ARHGAP20: variants seen among roughly 807,000 people sequenced by gnomAD.
ARHGAP20 encodes Rho GTPase activating protein 20.
A neutral mutation model predicts 73.7 loss-of-function variants in ARHGAP20; 34 were observed. That is an observed-to-expected ratio of 0.46 (90% CI 0.35 to 0.61). The LOEUF (loss-of-function observed/expected upper bound fraction) is 0.61. Ranked by LOEUF, ARHGAP20 falls within the 20% of genes least tolerant of loss-of-function variation. The probability of loss-of-function intolerance (pLI) is 0.00; values close to 1 mark genes in which losing one functional copy is unlikely to be tolerated. For synonymous variants in ARHGAP20, 523 were observed against 518.2 expected (o/e 1.01, Z -0.13); for missense variants, 1,314 against 1,420.9 (o/e 0.92, Z 1.21).
At chr11:110,661,412 A>G (rs1345602962) in intron 2 of ARHGAP20, among the ~76,000 whole-genome samples, 1 of 152,158 alleles carries the variant, frequency 6.6e-6, no homozygotes, top group East Asian at 1.9e-4. Flanking sequence ...AAGTTCAGTG[A>G]TAGTTTACTT....
At chr11:110,652,645 A>C (rs780513678) in intron 2 of ARHGAP20, among the ~76,000 whole-genome samples, 20 of 152,134 alleles carry the variant, frequency 1.3e-4, no homozygotes, top group Admixed American at 3.3e-4. Context: ...AATCGCTACA[A>C]AGAGAATAAA....
At chr11:110,595,818 A>G (rs1947943389) in intron 9 of ARHGAP20, among the ~76,000 whole-genome samples, 2 of 152,286 alleles carry the variant, frequency 1.3e-5, no homozygotes, top group African/African-American at 2.4e-5. Flanking sequence ...GGAACCAAAA[A>G]AGAGCCCACA....
chr11:110,664,444 A>G (rs779072118), intron 2 of ARHGAP20, among the ~76,000 whole-genome samples: 39 of 152,146 alleles, frequency 2.6e-4, no homozygotes, highest in Non-Finnish European at 4.6e-4. Flanking sequence ...AAATGAAAGA[A>G]GGGGCCAGGC....
intron 2 of ARHGAP20, among the ~76,000 whole-genome samples, chr11:110,664,456 C>T (rs1412259285): frequency 6.6e-6 from 1 of 152,118 alleles, no homozygotes; most frequent in Non-Finnish European, 1.5e-5. Context: ...GGGCCAGGCG[C>T]AATGGCTCAC....
chr11:110,665,139 T>TG (rs1949698213), intron 2 of ARHGAP20, among the ~76,000 whole-genome samples: 1 of 152,154 alleles, frequency 6.6e-6, no homozygotes, highest in African/African-American at 2.4e-5. Context: ...ACATTTTGAA[T>TG]GGGATGTAAA....
chr11:110,615,639 T>C (rs775632543), intron 4 of ARHGAP20, 45 bp from the exon 5 acceptor site: 10 of 1,531,742 alleles, frequency 6.5e-6, no homozygotes, highest in Admixed American at 5.2e-5. Flanking sequence ...CCACATAAAA[T>C]ACAAATGCTA....
intron 12 of ARHGAP20, among the ~76,000 whole-genome samples, chr11:110,585,793 T>C (rs1947648780): frequency 6.6e-6 from 1 of 152,162 alleles, no homozygotes; most frequent in South Asian, 2.1e-4. Context: ...CTTCTAGCAC[T>C]GATTGTACTG....
At chr11:110,635,096 C>T (rs191329298) in intron 2 of ARHGAP20, among the ~76,000 whole-genome samples, 1 of 152,036 alleles carries the variant, frequency 6.6e-6, no homozygotes, top group Non-Finnish European at 1.5e-5. Context: ...TATGGCTTAT[C>T]TATGTTTCTT....
chr11:110,674,995 G>A (rs1241301029), intron 2 of ARHGAP20, among the ~76,000 whole-genome samples: 2 of 152,108 alleles, frequency 1.3e-5, no homozygotes, highest in Non-Finnish European at 2.9e-5. Context: ...AGGTATACAC[G>A]TGCTATGGTG....
chr11:110,601,445 T>C (rs1948107323), intron 9 of ARHGAP20, among the ~76,000 whole-genome samples: 1 of 152,216 alleles, frequency 6.6e-6, no homozygotes, highest in African/African-American at 2.4e-5. Flanking sequence ...TCAAATAAGA[T>C]GGCTCTGTTA....
intron 9 of ARHGAP20, among the ~76,000 whole-genome samples, chr11:110,599,890 A>G (rs1948068025): frequency 6.6e-6 from 1 of 151,756 alleles, no homozygotes; most frequent in African/African-American, 2.4e-5. Flanking sequence ...GAAACAACCA[A>G]CTACAGGGAG....
intron 2 of ARHGAP20, among the ~76,000 whole-genome samples, chr11:110,677,180 G>A (rs1279297134): frequency 1.3e-5 from 2 of 152,096 alleles, no homozygotes; most frequent in Admixed American, 1.3e-4. Flanking sequence ...TGCTTTGCAT[G>A]TACATATATA....
intron 2 of ARHGAP20, among the ~76,000 whole-genome samples, chr11:110,644,148 T>C (rs1194217057): frequency 6.6e-6 from 1 of 152,024 alleles, no homozygotes; most frequent in Non-Finnish European, 1.5e-5. Flanking sequence ...TTGAAAGACA[T>C]CTAAGATGAC....
chr11:110,659,579 T>C (rs1414538551), intron 2 of ARHGAP20, among the ~76,000 whole-genome samples: 1 of 152,082 alleles, frequency 6.6e-6, no homozygotes, highest in Non-Finnish European at 1.5e-5. Context: ...ATCCCATTTG[T>C]CAATTTTGGC....
Position 110,609,070 on chromosome 11 carries a change from A to T in ARHGAP20, c.709-20T>A. On this transcript the variant is annotated intron_variant, in intron 7 of 14. Coordinates refer to ENST00000683387, the MANE Select transcript of ARHGAP20 (RefSeq NM_001384657.1). ...AGAGCCCTTAGAGATAAAAGAGTTA[A>T]ATGTCACAATAAATCTTTCACATTT... The T allele has an allele frequency of 6.2e-7, 1 of 1,602,486 alleles. No homozygotes were observed. Among genetic ancestry groups the T allele is most frequent in the South Asian group, 1.1e-5 (1 of 88,974 alleles).
rs1035276021 is a variant in ARHGAP20 at position 110,577,947 on chromosome 11, T to C, written c.*1423A>G. The C allele has an allele frequency of 4.1e-6, 4 of 985,624 alleles. No homozygotes were observed. The highest frequency in any genetic ancestry group is 4.7e-5 in the South Asian group (1 of 21,282). The allele number at this position is 985,624 out of a possible 1,614,324, so 61.1% of individuals were successfully genotyped here. The stretch of plus-strand genomic sequence containing the variant: ...GACAAATAATTTGGAATAAGCTAGC[T>C]TGTGAGAGAAAGGTCCATCTGATGG... On this transcript the variant is annotated 3_prime_UTR_variant, in exon 15 of 15. Coordinates refer to ENST00000683387, the MANE Select transcript of ARHGAP20 (RefSeq NM_001384657.1).
intron 11 of ARHGAP20, among the ~76,000 whole-genome samples, chr11:110,587,801 C>T (rs558907421): frequency 6.6e-6 from 1 of 152,044 alleles, no homozygotes; most frequent in Admixed American, 6.5e-5. Flanking sequence ...GGAAGAATGA[C>T]TAATTCAAAG....
At chr11:110,655,292 C>A (rs902996303) in intron 2 of ARHGAP20, among the ~76,000 whole-genome samples, 3 of 152,066 alleles carry the variant, frequency 2.0e-5, no homozygotes, top group Non-Finnish European at 2.9e-5. Context: ...GGTACCAACT[C>A]TAAGTATAGT....
In ARHGAP20 at chr11:110,580,255, C is replaced by T. The variant is rs1947414613; in HGVS notation, c.2691G>A (p.Lys897=). Reference sequence around the variant, plus strand: ...CCATGACTAAACTCTGATTAATGAGCTTCTGCCCCTCCATTTGCAAAGACT... The same window carrying T: ...CCATGACTAAACTCTGATTAATGAGTTTCTGCCCCTCCATTTGCAAAGACT... ...RHKSLQMEGQ[K]LINQSLVMGI... The change falls in exon 15 of 15, where the codon AAG becomes AAA. Residue 897 remains lysine (K), a synonymous_variant. Coordinates refer to ENST00000683387, the MANE Select transcript of ARHGAP20 (RefSeq NM_001384657.1). The T allele has an allele frequency of 6.2e-7, 1 of 1,614,222 alleles. No homozygotes were observed. Among genetic ancestry groups the T allele is most frequent in the Non-Finnish European group, 8.5e-7 (1 of 1,180,028 alleles).
Sources: allele counts gnomAD v4.1 joint callset (sites outside exome capture counted in the v4.1 genomes callset), GRCh38; gene constraint gnomAD v4.1.1; transcripts MANE v1.5; gene names NCBI Gene and HGNC (gene_info 2026-07-23, HGNC 2026-07-21).